Variants in MYH13 observed in about 807,000 individuals in gnomAD.
MYH13 encodes the protein myosin-13.
MYH13 carries 177 observed loss-of-function variants against 232.1 expected under a neutral mutation model. That is an observed-to-expected ratio of 0.76 (90% confidence interval 0.67 to 0.86). The LOEUF (loss-of-function observed/expected upper bound fraction) is 0.86. Ranked by LOEUF, MYH13 falls within the 40% of genes least tolerant of loss-of-function variation. The pLI, the probability that MYH13 is intolerant of heterozygous loss-of-function variation, is 0.00. For synonymous variants in MYH13, 884 were observed against 923.5 expected, an observed-to-expected ratio of 0.96 and a Z score of 0.78; for missense variants, 2,246 against 2,405.9, an observed-to-expected ratio of 0.93 and a Z score of 1.39.
Position 10,366,381 on chromosome 17 carries a change from G to GTTT in MYH13, c.-12-1842_-12-1840dup, listed in dbSNP as rs56798899. ...CATATCTCTCTTAAGAAATAAATCT[G>GTTT]TTTTTTTTTTTTTTTTTGAGATGGA... On this transcript the variant is annotated intron_variant, in intron 2 of 40. Transcript: ENST00000252172. Among the ~76,000 whole-genome samples, 55 of 112,618 alleles carry GTTT rather than the reference G, an allele frequency of 4.9e-4. 2 individuals carry two copies. Among genetic ancestry groups the GTTT allele is most frequent in the Middle Eastern group, 5.4e-3 (1 of 186 alleles). The allele number at this position is 112,618 out of a possible 152,430, so 73.9% of individuals were successfully genotyped here. A position where few individuals can be genotyped will look rare whatever the true frequency, so the allele number is the denominator to read the frequency against.
rs768851633 is a variant in MYH13, at chr17:10,360,150, G to T, written c.533+11C>A. 1.2e-6 allele frequency: 2 copies of T among 1,614,100 alleles called. No individual in the cohort carries two copies. Among genetic ancestry groups the T allele is most frequent in the South Asian group, 2.2e-5 (2 of 91,078 alleles). ...TTCCAAGTCATGATGGTACAAAGAG[G>T]TGTTACTCACGTGATGAGGATAGAC... On this transcript the variant is annotated intron_variant, in intron 6 of 40. Coordinates refer to ENST00000252172, the MANE Select transcript of MYH13 (RefSeq NM_003802.3).
rs1257123887 is a variant in MYH13 at position 10,306,979 on chromosome 17, G to T, written c.5255C>A (p.Ser1752Tyr). The T allele has an allele frequency of 6.2e-7, 1 of 1,613,940 alleles. No homozygotes were observed. Among genetic ancestry groups the T allele is most frequent in the African/African-American group, 1.3e-5 (1 of 75,006 alleles). Reference sequence around the variant, plus strand: ...CTTGGCCTTCTCCTCTGCGTTCCTGGACTCCTGGATCGAGTTCTCCACCTC... The same window carrying T: ...CTTGGCCTTCTCCTCTGCGTTCCTGTACTCCTGGATCGAGTTCTCCACCTC... ...QAEVENSIQESRNAEEKAKKA... is the reference protein window; with the variant it reads ...QAEVENSIQEYRNAEEKAKKA... The change falls in exon 36 of 41, where the codon TCC (serine) becomes TAC (tyrosine). Residue 1752 changes from serine (S) to tyrosine (Y), a missense_variant. Ser to Tyr is a moderately radical substitution (Grantham distance 144). Coordinates refer to ENST00000252172, the MANE Select transcript of MYH13 (RefSeq NM_003802.3). The surrounding 1 kb of genome is among the most constrained non-coding windows in gnomAD (Gnocchi z 4.3).
chr17:10,309,487 C>A, intron 34 of MYH13, 35 bp downstream of exon 34: 1 of 1,601,800 alleles, frequency 6.2e-7, no homozygotes, highest in Non-Finnish European at 8.5e-7. Context: ...AGGCTGGGGC[C>A]CGTCCAGGTA....
At chr17:10,303,621 A>G (rs1906181776) in intron 37 of MYH13, 123 bp from the exon 38 acceptor site, 1 of 782,984 alleles carries the variant, frequency 1.3e-6, no homozygotes, top group Admixed American at 2.3e-5. Context: ...AAGTCAGGAA[A>G]CAACAGATGC....
chr17:10,358,264 C>T (rs2071764686), intron 7 of MYH13, among the ~76,000 whole-genome samples: 3 of 152,142 alleles, frequency 2.0e-5, no homozygotes, highest in African/African-American at 4.8e-5. Context: ...ACAATAACAA[C>T]AGTGGTTCTC....
intron 18 of MYH13, among the ~76,000 whole-genome samples, chr17:10,338,262 T>A (rs2071591705): frequency 6.6e-6 from 1 of 152,118 alleles, no homozygotes; most frequent in Non-Finnish European, 1.5e-5. Flanking sequence ...TTTCGTGTGA[T>A]TCTTAACCAA....
chr17:10,311,962 C>T lies in MYH13; in HGVS notation c.4480G>A (p.Glu1494Lys). The T allele has an allele frequency of 1.2e-6, 2 of 1,614,010 alleles. No homozygotes were observed. The highest frequency in any genetic ancestry group is 2.2e-5 in the South Asian group (2 of 91,090). Residue 1494 changes from glutamate to lysine, a missense_variant, in exon 32 of 41, where the codon GAG becomes AAG. Physicochemically the swap from Glu to Lys is moderately conservative, Grantham distance 56 (BLOSUM62 1). Coordinates refer to ENST00000252172, the MANE Select transcript of MYH13 (RefSeq NM_003802.3). ...ELFKMRNAYEEVVDQLETLRR... is the reference protein window; with the variant it reads ...ELFKMRNAYEKVVDQLETLRR... Reference sequence around the variant, plus strand: ...AGTGTCTCTAACTGGTCCACCACCTCCTCATAGGCATTCCTCATCTTGAAG... The same window carrying T: ...AGTGTCTCTAACTGGTCCACCACCTTCTCATAGGCATTCCTCATCTTGAAG...
chr17:10,308,536 T>C (rs1205543348), intron 35 of MYH13, among the ~76,000 whole-genome samples: 1 of 150,190 alleles, frequency 6.7e-6, no homozygotes, highest in Non-Finnish European at 1.5e-5. Flanking sequence ...CCCAAATTCC[T>C]GGGATTAGAG....
intron 11 of MYH13, among the ~76,000 whole-genome samples, chr17:10,352,461 G>A (rs974232929): frequency 6.6e-6 from 1 of 152,066 alleles, no homozygotes; most frequent in African/African-American, 2.4e-5. Context: ...GTGGTGACAG[G>A]TGCCTGTCAT....
intron 39 of MYH13, among the ~76,000 whole-genome samples, chr17:10,302,809 A>C (rs1349223962): frequency 6.6e-6 from 1 of 152,080 alleles, no homozygotes; most frequent in African/African-American, 2.4e-5. Flanking sequence ...GGTGGGAATT[A>C]GGATGAGGTA....
intron 34 of MYH13, 37 bp from the exon 35 acceptor site, chr17:10,309,474 G>C (rs766383716): frequency 2.5e-6 from 4 of 1,600,054 alleles, no homozygotes; most frequent in Admixed American, 3.4e-5. Context: ...AGAGCCGCCT[G>C]GCAGGCTGGG....
Position 10,343,935 on chromosome 17 carries a change from T to G in MYH13, c.1759A>C (p.Thr587Pro). The G allele has an allele frequency of 6.2e-7, 1 of 1,614,226 alleles. No homozygotes were observed. The highest frequency in any genetic ancestry group is 1.3e-5 in the African/African-American group (1 of 75,058). Reference sequence around the variant, plus strand: ...CAGCCGGCGATGTTGTAGTCCACGGTGCCGGCATAGTGCACCAGCGAGAAG... The same window carrying G: ...CAGCCGGCGATGTTGTAGTCCACGGGGCCGGCATAGTGCACCAGCGAGAAG... ...AHFSLVHYAG[T>P]VDYNIAGWLD... Residue 587 changes from threonine to proline, a missense_variant, in exon 16 of 41, where the codon ACC (threonine) becomes CCC (proline). Physicochemically the swap from Thr to Pro is conservative, Grantham distance 38. Coordinates refer to ENST00000252172, the MANE Select transcript of MYH13 (RefSeq NM_003802.3).
intron 35 of MYH13, among the ~76,000 whole-genome samples, chr17:10,308,358 T>A (rs2142218812): frequency 6.6e-6 from 1 of 150,800 alleles, no homozygotes; most frequent in African/African-American, 2.4e-5. Flanking sequence ...TCAAAATATG[T>A]TCATGATTGT....
chr17:10,303,059 G>T, intron 39 of MYH13, 137 bp downstream of exon 39: 1 of 718,298 alleles, frequency 1.4e-6, no homozygotes, highest in East Asian at 2.5e-5. Context: ...GAGGGCAGTT[G>T]TCTCTGTGTT....
In MYH13 at chr17:10,351,556, G is replaced by A. The variant is rs561945118; in HGVS notation, c.1006-862C>T. 4.9e-4 allele frequency among the ~76,000 whole-genome samples: 75 copies of A among 152,328 alleles called. 1 individual carries two copies. In the South Asian group the frequency reaches 0.015, roughly 30 times the overall value. ...GCTAGACATTGGGTAGGCATCATCT[G>A]TATGTTATTAAATCCCCATGAAGCC... On this transcript the variant is annotated intron_variant, in intron 11 of 40. Transcript: ENST00000252172.
At position 10,357,205 on chromosome 17, in the gene MYH13, G is replaced by GC. The variant is rs528827669; in HGVS notation, c.738+529dup. ...TCAAACTCCTGGTCTCAAGTGATCCGCCCCCCTCAGCCTCCCAAAGTGCTG... is the reference window on the plus strand; with the variant it reads ...TCAAACTCCTGGTCTCAAGTGATCCGCCCCCCCTCAGCCTCCCAAAGTGCTG... On this transcript the variant is annotated intron_variant, in intron 8 of 40. Coordinates refer to ENST00000252172, the MANE Select transcript of MYH13 (RefSeq NM_003802.3). 2.1e-4 allele frequency among the ~76,000 whole-genome samples: 32 copies of GC among 152,002 alleles called. No homozygotes were observed. The East Asian group carries it at 4.8e-3, about 23-fold the overall frequency.
intron 22 of MYH13, among the ~76,000 whole-genome samples, chr17:10,327,052 A>G (rs1907234728): frequency 4.2e-5 from 1 of 23,712 alleles, no homozygotes; most frequent in African/African-American, 1.3e-4. Context: ...CCCAGGCTGG[A>G]GTGCAGTGGC....
intron 33 of MYH13, among the ~76,000 whole-genome samples, chr17:10,310,153 C>G (rs1906458614): frequency 1.3e-5 from 2 of 150,050 alleles, no homozygotes; most frequent in African/African-American, 4.9e-5. Flanking sequence ...TGCAGTGGCA[C>G]AATCTCGGCT....
intron 35 of MYH13, among the ~76,000 whole-genome samples, chr17:10,308,503 T>C (rs934762758): frequency 1.4e-5 from 2 of 145,648 alleles, no homozygotes; most frequent in Admixed American, 7.0e-5. Context: ...CACGCTGGTC[T>C]CAGACTCCTG....
Sources: gnomAD v4.1 joint callset for allele counts (sites outside exome capture counted in the v4.1 genomes callset) on GRCh38, gnomAD v4.1.1 for gene constraint, Gnocchi (gnomAD v3.1) non-coding constraint, MANE v1.5 for transcripts, NCBI Gene and HGNC (gene_info 2026-07-23, HGNC 2026-07-21) for gene names.